The following EPHA6 variants were observed in gnomAD, a reference collection of about 807,000 sequenced individuals.
The protein encoded by EPHA6 is ephrin type-A receptor 6.
In EPHA6, 50 loss-of-function variants were observed where a neutral mutation model predicts 112.0. The observed-to-expected ratio is 0.45, with a 90% CI of 0.36 to 0.56. The LOEUF (loss-of-function observed/expected upper bound fraction) is 0.56. EPHA6 is among the 20% of genes least tolerant of loss of function. The probability of loss-of-function intolerance (pLI) is 0.00; values close to 1 mark genes in which losing one functional copy is unlikely to be tolerated. For synonymous variants in EPHA6, 529 were observed against 490.7 expected, an observed-to-expected ratio of 1.08 and a Z score of -1.03; for missense variants, 1,280 against 1,417.4, an observed-to-expected ratio of 0.90 and a Z score of 1.56.
At chr3:97,471,179 A>G (rs1358763036) in intron 7 of EPHA6, among the ~76,000 whole-genome samples, 1 of 151,720 alleles carries the variant, frequency 6.6e-6, no homozygotes, top group Non-Finnish European at 1.5e-5. Context: ...AAATAAACCA[A>G]ACTAATGAGA....
At chr3:97,265,709 C>T (rs555712863) in intron 5 of EPHA6, among the ~76,000 whole-genome samples, 5 of 152,298 alleles carry the variant, frequency 3.3e-5, no homozygotes, top group Admixed American at 1.3e-4. Flanking sequence ...GCCCCAGCTG[C>T]GGTTCCCCAC....
Position 97,188,224 on chromosome 3 carries a change from A to C in EPHA6, c.1115-38040A>C, listed in dbSNP as rs558305039. Among the ~76,000 whole-genome samples the C allele has an allele frequency of 1.3e-3, 201 of 152,214 alleles. 1 individual carries two copies. Among genetic ancestry groups the C allele is most frequent in the African/African-American group, 4.2e-3 (174 of 41,558 alleles). On this transcript the variant is annotated intron_variant, in intron 3 of 17. Transcript: ENST00000389672. ...TGTTCAGCAGCTAAATGGATCAGCAAATTTTAGAAATTATGGCATTTACTT... is the reference window on the plus strand; with the variant it reads ...TGTTCAGCAGCTAAATGGATCAGCACATTTTAGAAATTATGGCATTTACTT...
chr3:97,580,521 C>A (rs192198225), intron 11 of EPHA6, among the ~76,000 whole-genome samples: 2 of 152,088 alleles, frequency 1.3e-5, no homozygotes, highest in East Asian at 1.9e-4. Flanking sequence ...TCTTATGGGA[C>A]GGGATGTATT....
intron 2 of EPHA6, among the ~76,000 whole-genome samples, chr3:96,941,020 C>G (rs1480696837): frequency 6.6e-6 from 1 of 152,166 alleles, no homozygotes; most frequent in Non-Finnish European, 1.5e-5. Flanking sequence ...TTCTCTCTGG[C>G]TGCCCTTAAC....
intron 6 of EPHA6, among the ~76,000 whole-genome samples, chr3:97,429,575 A>G (rs140520051): frequency 6.6e-6 from 1 of 152,298 alleles, no homozygotes; most frequent in East Asian, 1.9e-4. Context: ...CCGTGAGCCT[A>G]GAGATAGAAA....
intron 2 of EPHA6, among the ~76,000 whole-genome samples, chr3:96,886,379 A>G (rs2037624293): frequency 6.6e-6 from 1 of 152,156 alleles, no homozygotes; most frequent in South Asian, 2.1e-4. Context: ...GTATATGTTT[A>G]CGATTGTGAT....
At chr3:97,001,984 T>G (rs1397458500) in intron 3 of EPHA6, among the ~76,000 whole-genome samples, 1 of 152,070 alleles carries the variant, frequency 6.6e-6, no homozygotes, top group Non-Finnish European at 1.5e-5. Flanking sequence ...TTGGATAGAA[T>G]TCTTTAACTA....
chr3:97,235,375 G>A (rs1298047092), intron 4 of EPHA6, among the ~76,000 whole-genome samples: 1 of 151,970 alleles, frequency 6.6e-6, no homozygotes, highest in Non-Finnish European at 1.5e-5. Context: ...TTGTTTCTGT[G>A]TCCTGATGAA....
chr3:97,158,964 G>A (rs1315244923), intron 3 of EPHA6, among the ~76,000 whole-genome samples: 1 of 152,040 alleles, frequency 6.6e-6, no homozygotes, highest in Non-Finnish European at 1.5e-5. Flanking sequence ...AAAGGGGGAG[G>A]CAGGTTTGTG....
At chr3:97,294,418 G>T (rs753582576) in intron 5 of EPHA6, among the ~76,000 whole-genome samples, 15 of 152,188 alleles carry the variant, frequency 9.9e-5, no homozygotes, top group Non-Finnish European at 4.4e-5. Flanking sequence ...GTCTTTACAA[G>T]TGAAGTGTGT....
intron 3 of EPHA6, among the ~76,000 whole-genome samples, chr3:97,214,162 C>T (rs1210031898): frequency 6.6e-6 from 1 of 151,854 alleles, no homozygotes; most frequent in Non-Finnish European, 1.5e-5. Context: ...CCTCAGCCTC[C>T]CAAGGAGCTG....
chr3:97,645,409 A>G (rs1332441459), intron 14 of EPHA6, among the ~76,000 whole-genome samples: 2 of 145,350 alleles, frequency 1.4e-5, no homozygotes, highest in South Asian at 2.3e-4. Context: ...GTAAACTATC[A>G]CAAGAACAAA....
intron 3 of EPHA6, among the ~76,000 whole-genome samples, chr3:97,005,203 G>A (rs532626411): frequency 6.6e-6 from 1 of 152,078 alleles, no homozygotes; most frequent in Non-Finnish European, 1.5e-5. Flanking sequence ...AAATTACTTT[G>A]AGCAGTATGG....
At chr3:97,481,625 T>G in intron 9 of EPHA6, 1 of 449,922 alleles carries the variant, frequency 2.2e-6, no homozygotes, top group Non-Finnish European at 4.1e-6. Flanking sequence ...GCGCCCTCCC[T>G]AGGCCCGCCG....
chr3:97,459,444 C>G (rs969729523), intron 7 of EPHA6, among the ~76,000 whole-genome samples: 1 of 152,214 alleles, frequency 6.6e-6, no homozygotes, highest in Admixed American at 6.5e-5. Context: ...TAGCACAACA[C>G]TGGCAGCAAG....
chr3:97,665,149 CT>C (rs1356969294), intron 14 of EPHA6, among the ~76,000 whole-genome samples: 1 of 152,102 alleles, frequency 6.6e-6, no homozygotes, highest in African/African-American at 2.4e-5. Flanking sequence ...GAACAGAGCC[CT>C]CAGAAATAAT....
chr3:97,280,808 G>C (rs9917825), intron 5 of EPHA6, among the ~76,000 whole-genome samples: 2,286 of 152,248 alleles, frequency 0.015, 55 homozygotes, highest in African/African-American at 0.052. Context: ...CTTAAAGGCA[G>C]AGTATTGAGT....
intron 2 of EPHA6, among the ~76,000 whole-genome samples, chr3:96,938,368 C>G (rs539490842): frequency 0.015 from 2,323 of 150,660 alleles, 58 homozygotes; most frequent in African/African-American, 0.047. Context: ...CTCTTTGAAG[C>G]AATTGTGAAT....
intron 2 of EPHA6, among the ~76,000 whole-genome samples, chr3:96,976,941 G>A (rs1471476041): frequency 6.6e-6 from 1 of 152,094 alleles, no homozygotes; most frequent in Non-Finnish European, 1.5e-5. Context: ...ACTAAAGTTG[G>A]CAGCTTTTTG....
Sources: gnomAD v4.1 joint callset for allele counts (sites outside exome capture counted in the v4.1 genomes callset) on GRCh38, gnomAD v4.1.1 for gene constraint, MANE v1.5 for transcripts, NCBI Gene and HGNC (gene_info 2026-07-23, HGNC 2026-07-21) for gene names.